The following LDHB variants were observed in gnomAD, a reference collection of about 807,000 sequenced individuals.
LDHB encodes L-lactate dehydrogenase B chain.
Under a neutral mutation model 33.4 loss-of-function variants are expected in LDHB, and 18 were observed. The observed-to-expected ratio is 0.54, with a 90% CI of 0.37 to 0.80. LDHB has a LOEUF of 0.80. Among genes scored for constraint, LDHB ranks in the 30% least tolerant of loss-of-function variants. LDHB has a pLI of 0.00. For synonymous variants in LDHB, 121 were observed against 140.6 expected (o/e 0.86, Z 0.98); for missense variants, 345 against 407.9 (o/e 0.85, Z 1.33).
intron 5 of LDHB, 128 bp from the exon 6 acceptor site, chr12:21,638,598 G>A: frequency 1.4e-6 from 1 of 692,476 alleles, no homozygotes; most frequent in South Asian, 1.7e-5. Context: ...GCTCCAATAA[G>A]TGACTCTCCA....
At chr12:21,650,150 A>ATAT (rs1425195285) in intron 2 of LDHB, among the ~76,000 whole-genome samples, 12 of 145,930 alleles carry the variant, frequency 8.2e-5, no homozygotes, top group African/African-American at 2.8e-4. Context: ...ACACACACAC[A>ATAT]CGTCTCTCTC....
At chr12:21,656,033 C>T (rs1938834509) in intron 1 of LDHB, among the ~76,000 whole-genome samples, 1 of 152,156 alleles carries the variant, frequency 6.6e-6, no homozygotes, top group South Asian at 2.1e-4. Flanking sequence ...TATGTCGCAT[C>T]TGAGGTCACC....
intron 4 of LDHB, among the ~76,000 whole-genome samples, chr12:21,642,964 C>T (rs975556617): frequency 1.3e-5 from 2 of 152,236 alleles, no homozygotes; most frequent in African/African-American, 4.8e-5. Flanking sequence ...TTTAGTGACG[C>T]CTGCCTGAGG....
chr12:21,638,242 A>G lies in LDHB; in HGVS notation c.713+111T>C, dbSNP rs896184309. The G allele has an allele frequency of 3.0e-5, 22 of 729,186 alleles. 1 individual carries two copies. The highest frequency in any genetic ancestry group is 1.3e-4 in the East Asian group (5 of 39,236). The allele number at this position is 729,186 out of a possible 1,614,324, so 45.2% of individuals were successfully genotyped here. On this transcript the variant is annotated intron_variant, in intron 6 of 7. Transcript: ENST00000350669. ...ATCAGTTTCAAAAGATAACAGCTGCATAATTACTACATTAAGAGTTTATCT... is the reference window on the plus strand; with the variant it reads ...ATCAGTTTCAAAAGATAACAGCTGCGTAATTACTACATTAAGAGTTTATCT...
rs5796919 is a variant in LDHB at position 21,650,103 on chromosome 12, A to AAAAATATAT, written c.130-3088_130-3087insATATATTTT. Among the ~76,000 whole-genome samples, 79 of 137,088 alleles carry AAAAATATAT rather than the reference A, an allele frequency of 5.8e-4. 2 individuals are homozygous for AAAAATATAT. Among genetic ancestry groups the AAAAATATAT allele is most frequent in the South Asian group, 2.5e-3 (11 of 4,380 alleles). The allele number at this position is 137,088 out of a possible 152,430, so 89.9% of individuals were successfully genotyped here. A position where few individuals can be genotyped will look rare whatever the true frequency, so the allele number is the denominator to read the frequency against. On this transcript the variant is annotated intron_variant, in intron 2 of 7. Transcript: ENST00000350669. ...AGACTCTCTCTCTCAAGAGAAAAAAAATACACACACACACACACACACACA... is the reference window on the plus strand; with the variant it reads ...AGACTCTCTCTCTCAAGAGAAAAAAAAAAATATATATACACACACACACACACACACACA...
intron 2 of LDHB, among the ~76,000 whole-genome samples, chr12:21,648,042 A>T (rs1938577273): frequency 6.6e-6 from 1 of 152,174 alleles, no homozygotes; most frequent in Non-Finnish European, 1.5e-5. Context: ...AGAAAGGAAA[A>T]AAAAAAGGTG....
At chr12:21,647,853 C>A (rs1276909618) in intron 2 of LDHB, among the ~76,000 whole-genome samples, 1 of 152,006 alleles carries the variant, frequency 6.6e-6, no homozygotes, top group Non-Finnish European at 1.5e-5. Flanking sequence ...CGTGCCACCA[C>A]ACCCAGCTAA....
intron 2 of LDHB, among the ~76,000 whole-genome samples, chr12:21,651,465 G>A (rs1402246552): frequency 1.3e-5 from 2 of 152,148 alleles, no homozygotes; most frequent in African/African-American, 2.4e-5. Flanking sequence ...AGTGGGCTTC[G>A]CGAATCTGGC....
intron 1 of LDHB, among the ~76,000 whole-genome samples, chr12:21,654,991 C>A (rs1188077434): frequency 6.6e-6 from 1 of 152,004 alleles, no homozygotes; most frequent in Non-Finnish European, 1.5e-5. Flanking sequence ...CATGGTGGTG[C>A]AAGCCTGTAG....
At chr12:21,639,628 A>T (rs949612417) in intron 5 of LDHB, among the ~76,000 whole-genome samples, 1 of 152,070 alleles carries the variant, frequency 6.6e-6, no homozygotes, top group Non-Finnish European at 1.5e-5. Context: ...TTTACATAGT[A>T]CATAGGTGGC....
chr12:21,643,149 AACTCTCAAT>A (rs1186101872), intron 4 of LDHB, among the ~76,000 whole-genome samples: 1 of 152,236 alleles, frequency 6.6e-6, no homozygotes, highest in Non-Finnish European at 1.5e-5. Context: ...GCTGGCTCTC[AACTCTCAAT>A]ACTCAAGATA....
Position 21,642,103 on chromosome 12 carries a change from G to A in LDHB, c.444C>T (p.Thr148=), listed in dbSNP as rs1457919534. The stretch of plus-strand genomic sequence containing the variant: ...GTTTGGGTAATCCACTTAGTTTCCA[G>A]GTAACATACGTAAGAATGTCCACTA... The part of the protein sequence containing the change: ...SNPVDILTYV[T]WKLSGLPKHR... The change falls in exon 5 of 8, where the codon ACC becomes ACT. Residue 148 remains threonine (T), a synonymous_variant. Transcript: ENST00000350669. 2 of 1,612,674 alleles carry A rather than the reference G, an allele frequency of 1.2e-6. No individual in the cohort carries two copies. The highest frequency in any genetic ancestry group is 1.7e-6 in the Non-Finnish European group (2 of 1,179,138).
In LDHB at chr12:21,648,175, G is replaced by A. The variant is rs540953005; in HGVS notation, c.130-1159C>T. Among the ~76,000 whole-genome samples the A allele has an allele frequency of 4.6e-5, 7 of 152,188 alleles. No homozygotes were observed. The South Asian group carries it at 1.5e-3, about 32-fold the overall frequency. On this transcript the variant is annotated intron_variant, in intron 2 of 7. Transcript: ENST00000350669. ...CTATTGAAACATCACCAGAGTCCTT[G>A]CTCTTACTGTTTTTATGGCTGTTAG...
chr12:21,639,635 T>G (rs1393253256), intron 5 of LDHB, among the ~76,000 whole-genome samples: 3 of 152,062 alleles, frequency 2.0e-5, no homozygotes, highest in African/African-American at 7.2e-5. Flanking sequence ...AGTACATAGG[T>G]GGCATAATTA....
rs528442239 is a variant in LDHB at position 21,644,489 on chromosome 12, T to C, written c.248-381A>G. Reference sequence around the variant, plus strand: ...TTAAGTTACTTTTATCTTAAAAAGTTAAAATTTAGGAAGGGAAGGAAGGCA... The same window carrying C: ...TTAAGTTACTTTTATCTTAAAAAGTCAAAATTTAGGAAGGGAAGGAAGGCA... On this transcript the variant is annotated intron_variant, in intron 3 of 7. Coordinates refer to ENST00000350669, the MANE Select transcript of LDHB (RefSeq NM_002300.8). Among the ~76,000 whole-genome samples, 26 of 150,228 alleles carry C rather than the reference T, an allele frequency of 1.7e-4. No individual in the cohort carries two copies. The East Asian group carries it at 4.5e-3, about 26-fold the overall frequency.
At chr12:21,645,902 A>G (rs773482789) in intron 3 of LDHB, among the ~76,000 whole-genome samples, 4 of 152,154 alleles carry the variant, frequency 2.6e-5, no homozygotes, top group Non-Finnish European at 4.4e-5. Context: ...AGAAATGCCC[A>G]CAAGGGTGGA....
At chr12:21,637,278 C>CT (rs765541747) in intron 6 of LDHB, 84 bp from the exon 7 acceptor site, 50 of 1,052,290 alleles carry the variant, frequency 4.8e-5, no homozygotes, top group Admixed American at 6.9e-5. Flanking sequence ...TGCTCTGTCT[C>CT]TAACTATAAT....
Position 21,644,990 on chromosome 12 carries a change from A to C in LDHB, c.248-882T>G, listed in dbSNP as rs974478946. Among the ~76,000 whole-genome samples the C allele has an allele frequency of 2.0e-5, 3 of 152,180 alleles. 1 individual carries two copies. Among genetic ancestry groups the C allele is most frequent in the Admixed American group, 2.0e-4 (3 of 15,278 alleles). ...AGACTGTTACTGTGTCTGTGTAGAA[A>C]GAAGTAGACATTAAGAGACTCCATT... On this transcript the variant is annotated intron_variant, in intron 3 of 7. Transcript: ENST00000350669.
intron 3 of LDHB, among the ~76,000 whole-genome samples, chr12:21,646,050 G>A (rs1253549642): frequency 6.6e-6 from 1 of 152,148 alleles, no homozygotes; most frequent in Non-Finnish European, 1.5e-5. Context: ...TGTGGGAGAG[G>A]GTTAATGTAA....
Sources: gnomAD v4.1 joint callset for allele counts (sites outside exome capture counted in the v4.1 genomes callset) on GRCh38, gnomAD v4.1.1 for gene constraint, MANE v1.5 for transcripts, NCBI Gene and HGNC (gene_info 2026-07-23, HGNC 2026-07-21) for gene names.